The following CNTN4 variants were observed in gnomAD, a reference collection of about 807,000 sequenced individuals.
CNTN4 encodes the protein contactin-4.
CNTN4 carries 77 observed loss-of-function variants against 122.5 expected under a neutral mutation model. The ratio of observed to expected loss-of-function variants is 0.63; its 90% confidence interval spans 0.52 to 0.76. CNTN4 has a LOEUF of 0.76. Ranked by LOEUF, CNTN4 falls within the 30% of genes least tolerant of loss-of-function variation. The probability of loss-of-function intolerance (pLI) is 0.00; values close to 1 mark genes in which losing one functional copy is unlikely to be tolerated. For missense variants in CNTN4, 1,256 were observed against 1,259.1 expected, an observed-to-expected ratio of 1.00 and a Z score of 0.04; for synonymous variants, 512 against 447.0, an observed-to-expected ratio of 1.15 and a Z score of -1.83.
At chr3:2,916,147 A>C (rs1228547678) in intron 12 of CNTN4, among the ~76,000 whole-genome samples, 1 of 152,224 alleles carries the variant, frequency 6.6e-6, no homozygotes, top group Non-Finnish European at 1.5e-5. Context: ...TGTACATGTA[A>C]ACATTGTCAA....
intron 3 of CNTN4, among the ~76,000 whole-genome samples, chr3:2,566,461 T>C (rs2079163780): frequency 6.6e-6 from 1 of 152,174 alleles, no homozygotes; most frequent in Admixed American, 6.6e-5. Flanking sequence ...CCACAAGAGA[T>C]GTTAGCTGCC....
At chr3:2,685,281 A>C (rs1486378120) in intron 4 of CNTN4, among the ~76,000 whole-genome samples, 3 of 152,212 alleles carry the variant, frequency 2.0e-5, no homozygotes, top group East Asian at 3.8e-4. Flanking sequence ...ATAGAGAAGT[A>C]ATGGGGAGTG....
chr3:2,953,573 C>G, intron 13 of CNTN4, among the ~76,000 whole-genome samples: 1 of 151,992 alleles, frequency 6.6e-6, no homozygotes, highest in East Asian at 1.9e-4. Flanking sequence ...TGGTGTCTTC[C>G]TCTAGTCTAT....
rs548374607 is a variant in CNTN4, at chr3:2,637,846, C to T, written c.55+66288C>T. Among the ~76,000 whole-genome samples, 9 of 152,232 alleles carry T rather than the reference C, an allele frequency of 5.9e-5. No individual in the cohort carries two copies. The South Asian group carries it at 8.3e-4, about 14-fold the overall frequency. On this transcript the variant is annotated intron_variant, in intron 4 of 24. Transcript: ENST00000418658. ...TACATTTCTAACTTCCGATTACAGA[C>T]GCTTCCCTTGATTGACTCTTCATCG...
At chr3:2,333,047 T>C (rs141152334) in intron 2 of CNTN4, among the ~76,000 whole-genome samples, 1 of 152,300 alleles carries the variant, frequency 6.6e-6, no homozygotes, top group East Asian at 1.9e-4. Flanking sequence ...CTGGAGCATC[T>C]GTCTCTATCC....
intron 6 of CNTN4, among the ~76,000 whole-genome samples, chr3:2,782,797 A>G (rs1559498752): frequency 6.6e-6 from 1 of 152,172 alleles, no homozygotes; most frequent in African/African-American, 2.4e-5. Context: ...GAAGGCATGT[A>G]TCCTGGAGCC....
intron 2 of CNTN4, among the ~76,000 whole-genome samples, chr3:2,260,607 G>A (rs1047899823): frequency 2.0e-5 from 3 of 151,936 alleles, no homozygotes; most frequent in Admixed American, 6.6e-5. Flanking sequence ...ACAGATTCCT[G>A]CTATAAATTT....
intron 3 of CNTN4, among the ~76,000 whole-genome samples, chr3:2,428,441 A>C (rs1174734040): frequency 6.6e-6 from 1 of 152,188 alleles, no homozygotes; most frequent in Non-Finnish European, 1.5e-5. Context: ...CCGAGAGATC[A>C]GCTGTTAGTC....
chr3:2,299,112 C>G (rs144005225), intron 2 of CNTN4, among the ~76,000 whole-genome samples: 128 of 152,076 alleles, frequency 8.4e-4, no homozygotes, highest in African/African-American at 3.0e-3. Context: ...GTGCTAATAT[C>G]CAGTGAAATT....
At chr3:2,785,994 A>C (rs1331209962) in intron 6 of CNTN4, among the ~76,000 whole-genome samples, 1 of 149,284 alleles carries the variant, frequency 6.7e-6, no homozygotes, top group Non-Finnish European at 1.5e-5. Context: ...CCGAACGTTG[A>C]GAGGTGAAGA....
intron 3 of CNTN4, among the ~76,000 whole-genome samples, chr3:2,474,983 A>C (rs1422655471): frequency 6.6e-6 from 1 of 152,196 alleles, no homozygotes; most frequent in South Asian, 2.1e-4. Flanking sequence ...TTTAAATAGC[A>C]ATGCATTCAA....
intron 8 of CNTN4, among the ~76,000 whole-genome samples, chr3:2,869,824 C>T (rs2093765263): frequency 6.6e-6 from 1 of 152,152 alleles, no homozygotes; most frequent in African/African-American, 2.4e-5. Context: ...ACTGAAAATT[C>T]TTATCAGCTT....
At chr3:2,188,911 CTTTACTTA>C (rs2037397948) in intron 2 of CNTN4, among the ~76,000 whole-genome samples, 1 of 152,160 alleles carries the variant, frequency 6.6e-6, no homozygotes, top group Non-Finnish European at 1.5e-5. Flanking sequence ...GGAGAGTTAA[CTTTACTTA>C]CACTGCAAAT....
intron 2 of CNTN4, among the ~76,000 whole-genome samples, chr3:2,163,675 G>C (rs548271209): frequency 4.7e-4 from 71 of 151,668 alleles, no homozygotes; most frequent in African/African-American, 1.6e-3. Flanking sequence ...CCATCAAAAA[G>C]TGGGCAAAGG....
intron 13 of CNTN4, among the ~76,000 whole-genome samples, chr3:2,986,173 C>T (rs780080618): frequency 5.3e-5 from 8 of 152,170 alleles, no homozygotes; most frequent in African/African-American, 1.9e-4. Flanking sequence ...CCTCAGCCCC[C>T]TAAAGTGCTA....
intron 6 of CNTN4, among the ~76,000 whole-genome samples, chr3:2,816,121 A>G (rs1002377687): frequency 1.3e-5 from 2 of 152,022 alleles, no homozygotes; most frequent in Non-Finnish European, 2.9e-5. Flanking sequence ...TTGGGAGGCC[A>G]AGGCAGGCAG....
At chr3:2,787,947 G>T (rs1284661017) in intron 6 of CNTN4, among the ~76,000 whole-genome samples, 1 of 151,822 alleles carries the variant, frequency 6.6e-6, no homozygotes, top group Non-Finnish European at 1.5e-5. Flanking sequence ...CCGCCACCAC[G>T]CCTGGCTAAA....
At chr3:2,139,221 C>A (rs1050750386) in intron 2 of CNTN4, among the ~76,000 whole-genome samples, 1 of 152,050 alleles carries the variant, frequency 6.6e-6, no homozygotes, top group East Asian at 1.9e-4. Context: ...AAAGAAAATA[C>A]TCAACATTAA....
At chr3:2,861,683 C>T (rs2093673093) in intron 7 of CNTN4, among the ~76,000 whole-genome samples, 1 of 152,116 alleles carries the variant, frequency 6.6e-6, no homozygotes, top group Non-Finnish European at 1.5e-5. Flanking sequence ...AAACACAACG[C>T]AGCTTAAATC....
Sources: gnomAD v4.1 joint callset for allele counts (sites outside exome capture counted in the v4.1 genomes callset) on GRCh38, gnomAD v4.1.1 for gene constraint, MANE v1.5 for transcripts, NCBI Gene and HGNC (gene_info 2026-07-23, HGNC 2026-07-21) for gene names.